Variants in FAM186A observed in about 807,000 individuals in gnomAD.
FAM186A encodes the protein protein FAM186A.
FAM186A carries 163 observed loss-of-function variants against 216.8 expected under a neutral mutation model. That is an observed-to-expected ratio of 0.75 (90% CI 0.66 to 0.86). The LOEUF (loss-of-function observed/expected upper bound fraction) is 0.86. FAM186A is among the 40% of genes least tolerant of loss of function. FAM186A has a pLI of 0.00. For synonymous variants in FAM186A, 805 were observed against 1,025.3 expected (o/e 0.79, Z 4.10); for missense variants, 2,184 against 2,746.2 (o/e 0.80, Z 4.58).
Position 50,338,190 on chromosome 12 carries a change from C to T in FAM186A, c.6504-4087G>A, listed in dbSNP as rs1942729165. 2.6e-5 allele frequency among the ~76,000 whole-genome samples: 4 copies of T among 152,112 alleles called. No individual in the cohort carries two copies. In the South Asian group the frequency reaches 8.3e-4, roughly 32 times the overall value. On this transcript the variant is annotated intron_variant, in intron 4 of 7. Transcript: ENST00000327337. ...AGCTACATATGTTATTTTATTTAAC[C>T]CTTTCAACCTTTCATTTTATTTTAT...
chr12:50,370,194 C>G (rs1051354103), intron 1 of FAM186A, among the ~76,000 whole-genome samples: 1 of 142,816 alleles, frequency 7.0e-6, no homozygotes, highest in Non-Finnish European at 1.5e-5. Flanking sequence ...ATCCCAGCTA[C>G]TTGGGTGGCT....
At chr12:50,394,219 G>A (rs1943390697) in intron 1 of FAM186A, among the ~76,000 whole-genome samples, 1 of 152,008 alleles carries the variant, frequency 6.6e-6, no homozygotes, top group Non-Finnish European at 1.5e-5. Context: ...TACCACACCT[G>A]GCCAAGCACT....
Position 50,354,095 on chromosome 12 carries a change from C to A in FAM186A, c.2737G>T (p.Glu913Ter). The A allele has an allele frequency of 6.4e-7, 1 of 1,551,746 alleles. No homozygotes were observed. The highest frequency in any genetic ancestry group is 8.7e-7 in the Non-Finnish European group (1 of 1,147,004). Residue 913 changes from glutamate (E) to a stop codon, truncating the protein, a stop_gained, in exon 4 of 8, where the codon GAG becomes TAG. Coordinates refer to ENST00000327337, the MANE Select transcript of FAM186A (RefSeq NM_001145475.3). LOFTEE classifies it high-confidence loss of function. ...CTTGACTTTGGAAGCTCTTCTTCCT[C>A]CTGTCCTCTTTGCTTTTGCTTTTCC... ...QEEKQKQRGQEEEELPKSSLQ... is the reference protein window; with the variant it reads ...QEEKQKQRGQ
At chr12:50,375,272 G>T (rs1388461544) in intron 1 of FAM186A, among the ~76,000 whole-genome samples, 1 of 152,134 alleles carries the variant, frequency 6.6e-6, no homozygotes, top group Non-Finnish European at 1.5e-5. Flanking sequence ...ATTTGGCCGA[G>T]TGTGGTGGCT....
chr12:50,338,585 C>G (rs1942733753), intron 4 of FAM186A, among the ~76,000 whole-genome samples: 1 of 152,092 alleles, frequency 6.6e-6, no homozygotes, highest in Non-Finnish European at 1.5e-5. Context: ...AAATTTGAAC[C>G]AAGATCTGCT....
intron 4 of FAM186A, among the ~76,000 whole-genome samples, chr12:50,348,997 G>T (rs1265987320): frequency 6.6e-6 from 1 of 152,060 alleles, no homozygotes; most frequent in Non-Finnish European, 1.5e-5. Flanking sequence ...GGTATCCATT[G>T]CATCAAGCAT....
intron 4 of FAM186A, among the ~76,000 whole-genome samples, chr12:50,345,645 A>G (rs1286668355): frequency 1.3e-5 from 2 of 152,118 alleles, no homozygotes; most frequent in African/African-American, 4.8e-5. Flanking sequence ...TTTGTCCACA[A>G]TTAGATGATT....
Position 50,350,845 on chromosome 12 carries a change from G to A in FAM186A, c.5987C>T (p.Thr1996Ile). The change falls in exon 4 of 8, where the codon ACT becomes ATT. Residue 1996 changes from threonine to isoleucine, a missense_variant. By Grantham distance (89) the Thr-to-Ile change is moderately conservative (BLOSUM62 -1). Coordinates refer to ENST00000327337, the MANE Select transcript of FAM186A (RefSeq NM_001145475.3). ...KKFQMSEVSDTSEETQILRDT... is the reference protein window; with the variant it reads ...KKFQMSEVSDISEETQILRDT... The stretch of plus-strand genomic sequence containing the variant: ...TCGAAGTATCTGGGTTTCTTCGGAA[G>A]TGTCAGAGACCTCCGACATTTGGAA... 1 of 1,551,682 alleles carries A rather than the reference G, an allele frequency of 6.4e-7. No homozygotes were observed. Among genetic ancestry groups the A allele is most frequent in the Non-Finnish European group, 8.7e-7 (1 of 1,147,004 alleles).
intron 4 of FAM186A, among the ~76,000 whole-genome samples, chr12:50,339,665 C>T (rs1302536287): frequency 2.0e-5 from 3 of 151,874 alleles, no homozygotes; most frequent in Non-Finnish European, 2.9e-5. Context: ...TCTTGCCTCT[C>T]TTTTATCTTT....
At chr12:50,382,643 T>C (rs1410774231) in intron 1 of FAM186A, among the ~76,000 whole-genome samples, 3 of 151,088 alleles carry the variant, frequency 2.0e-5, no homozygotes, top group African/African-American at 7.3e-5. Context: ...GAAGTTGCAG[T>C]GAGCTGAGAT....
intron 1 of FAM186A, among the ~76,000 whole-genome samples, chr12:50,366,946 C>T (rs1943095271): frequency 1.3e-5 from 2 of 151,516 alleles, no homozygotes; most frequent in Admixed American, 1.3e-4. Context: ...CCTGGGAGGT[C>T]AAGGCTGCAG....
Position 50,391,049 on chromosome 12 carries a change from T to A in FAM186A, c.192+5244A>T, listed in dbSNP as rs1169856245. Among the ~76,000 whole-genome samples, 4 of 151,752 alleles carry A rather than the reference T, an allele frequency of 2.6e-5. No homozygotes were observed. The South Asian group carries it at 6.3e-4, about 24-fold the overall frequency. The stretch of plus-strand genomic sequence containing the variant: ...CGTTGCCCAGGTTGGAGTGTAGTGG[T>A]GCGATTGTGGCTCACTGCAACCTCC... On this transcript the variant is annotated intron_variant, in intron 1 of 7. Coordinates refer to ENST00000327337, the MANE Select transcript of FAM186A (RefSeq NM_001145475.3).
chr12:50,380,987 A>G (rs554558776), intron 1 of FAM186A, among the ~76,000 whole-genome samples: 1 of 152,310 alleles, frequency 6.6e-6, no homozygotes, highest in South Asian at 2.1e-4. Context: ...GCACAGGCAC[A>G]GTGCCGACTC....
At chr12:50,385,794 C>T (rs982235210) in intron 1 of FAM186A, among the ~76,000 whole-genome samples, 16 of 151,596 alleles carry the variant, frequency 1.1e-4, no homozygotes, top group East Asian at 2.0e-4. Flanking sequence ...CCCAGCTACT[C>T]GGGAGACTGA....
In FAM186A at chr12:50,350,398, T is replaced by A. The variant is rs1440147436; in HGVS notation, c.6434A>T (p.His2145Leu). 1 of 1,551,448 alleles carries A rather than the reference T, an allele frequency of 6.4e-7. No homozygotes were observed. Among genetic ancestry groups the A allele is most frequent in the Non-Finnish European group, 8.7e-7 (1 of 1,146,938 alleles). ...GTATCCCAACTGAACTGTGTCCATA[T>A]GAAGTATCTCAATTATGAGAGTCCT... is the stretch of plus-strand genomic sequence containing the variant. ...MARTLIIEIL[H>L]MDTVQLGYLF... Residue 2145 changes from histidine to leucine, a missense_variant, in exon 4 of 8, where the codon CAT becomes CTT. Physicochemically the swap from His to Leu is moderately conservative, Grantham distance 99. This residue lies in a region of FAM186A where 721 missense variants were observed against 816.4 expected (regional missense o/e 0.88). Coordinates refer to ENST00000327337, the MANE Select transcript of FAM186A (RefSeq NM_001145475.3).
intron 1 of FAM186A, among the ~76,000 whole-genome samples, chr12:50,368,783 A>G (rs1275232505): frequency 6.6e-6 from 1 of 152,168 alleles, no homozygotes; most frequent in Non-Finnish European, 1.5e-5. Context: ...CCAAAGCTAC[A>G]TTAATCAAAA....
At chr12:50,365,547 G>T in intron 1 of FAM186A, 1 of 361,470 alleles carries the variant, frequency 2.8e-6, no homozygotes, top group Non-Finnish European at 5.0e-6. Flanking sequence ...CTTTCATTTT[G>T]GCTTCAGACA....
In FAM186A at chr12:50,353,739, C is replaced by G; in HGVS notation, c.3093G>C (p.Arg1031Ser). 1 of 1,549,938 alleles carries G rather than the reference C, an allele frequency of 6.5e-7. No individual in the cohort carries two copies. Reference protein sequence around the residue: ...QRSYEGKEFQRNLKTLENLPD... With the variant: ...QRSYEGKEFQSNLKTLENLPD... ...GAAGGTTCTCTAATGTCTTCAGATT[C>G]CTCTGAAACTCTTTTCCTTCATATG... The change falls in exon 4 of 8, where the codon AGG becomes AGC. Residue 1031 changes from arginine (R) to serine (S), a missense_variant. Arg to Ser is a moderately radical substitution (Grantham distance 110, BLOSUM62 -1). Coordinates refer to ENST00000327337, the MANE Select transcript of FAM186A (RefSeq NM_001145475.3).
chr12:50,382,438 G>A (rs1377207396), intron 1 of FAM186A, among the ~76,000 whole-genome samples: 3 of 151,864 alleles, frequency 2.0e-5, no homozygotes, highest in Non-Finnish European at 2.9e-5. Flanking sequence ...AATGGCTCAC[G>A]CCTGTAATAT....
Sources: allele counts gnomAD v4.1 joint callset (sites outside exome capture counted in the v4.1 genomes callset), GRCh38; gene constraint gnomAD v4.1.1; regional missense constraint gnomAD v4.1.1; transcripts MANE v1.5; gene names NCBI Gene and HGNC (gene_info 2026-07-23, HGNC 2026-07-21).